CENPP: variants seen among roughly 807,000 people sequenced by gnomAD.
CENPP encodes the protein centromere protein P.
Under a neutral mutation model 35.6 loss-of-function variants are expected in CENPP, and 24 were observed. The ratio of observed to expected loss-of-function variants is 0.67; its 90% CI spans 0.49 to 0.95. The LOEUF (loss-of-function observed/expected upper bound fraction) is 0.95, where lower values mean the gene tolerates loss of function less well. CENPP is among the 40% of genes least tolerant of loss of function. CENPP has a pLI of 0.00. For missense variants in CENPP, 332 were observed against 345.3 expected (o/e 0.96, Z 0.31); for synonymous variants, 120 against 125.5 (o/e 0.96, Z 0.29).
At chr9:92,379,923 T>G in intron 5 of CENPP, 64 bp downstream of exon 5, 2 of 1,002,698 alleles carry the variant, frequency 2.0e-6, no homozygotes, top group South Asian at 1.3e-5. Flanking sequence ...AATTGAGAAT[T>G]CATCCCTAAC....
At chr9:92,604,797 T>C (rs1018604199) in intron 5 of CENPP, among the ~76,000 whole-genome samples, 15 of 152,210 alleles carry the variant, frequency 9.9e-5, no homozygotes, top group Middle Eastern at 3.4e-3. Flanking sequence ...TTTTACTATG[T>C]TGGCCAGGCT....
chr9:92,388,723 T>C (rs1400777377), intron 5 of CENPP, among the ~76,000 whole-genome samples: 1 of 150,998 alleles, frequency 6.6e-6, no homozygotes, highest in African/African-American at 2.4e-5. Flanking sequence ...TCCCAGCCAC[T>C]TGGGAGGCTG....
chr9:92,459,906 T>C lies in CENPP; in HGVS notation c.564+80047T>C, dbSNP rs926298654. On this transcript the variant is annotated intron_variant, in intron 5 of 7. Transcript: ENST00000375587. ...TGTTCAAAGATATTTCATTACTTTA[T>C]TTAATAACCTACTTCAGTATGTAAC... 27 of 684,604 alleles carry C rather than the reference T, an allele frequency of 3.9e-5. No homozygotes were observed. In the African/African-American group the frequency reaches 4.4e-4, roughly 11 times the overall value. 42.4% of individuals were successfully genotyped at this position (684,604 alleles called of 1,614,324 possible). A position where few individuals can be genotyped will look rare whatever the true frequency, so the allele number is the denominator to read the frequency against.
chr9:92,551,940 TA>T (rs567442753), intron 5 of CENPP, among the ~76,000 whole-genome samples: 23,786 of 113,330 alleles, frequency 0.21, 5,319 homozygotes, highest in African/African-American at 0.5. Context: ...TATATATATA[TA>T]TATATATATA....
At chr9:92,360,871 A>G (rs908606416) in intron 4 of CENPP, among the ~76,000 whole-genome samples, 36 of 151,012 alleles carry the variant, frequency 2.4e-4, no homozygotes, top group Non-Finnish European at 5.0e-4. Context: ...CACCCGGCTA[A>G]TTATTTTTGT....
intron 5 of CENPP, among the ~76,000 whole-genome samples, chr9:92,558,227 AT>A (rs1849769420): frequency 6.6e-6 from 1 of 152,094 alleles, no homozygotes; most frequent in South Asian, 2.1e-4. Context: ...GTTTTGTCAT[AT>A]TACCAGGGTT....
Position 92,616,336 on chromosome 9 carries a change from C to G in CENPP, c.*3187C>G. 2.8e-6 allele frequency: 1 copy of G among 362,768 alleles called. No individual in the cohort carries two copies. Among genetic ancestry groups the G allele is most frequent in the Non-Finnish European group, 5.1e-6 (1 of 196,554 alleles). The allele number at this position is 362,768 out of a possible 1,614,324, so 22.5% of individuals were successfully genotyped here. On this transcript the variant is annotated 3_prime_UTR_variant, in exon 8 of 8. Coordinates refer to ENST00000375587, the MANE Select transcript of CENPP (RefSeq NM_001012267.3). ...GCAAAGCTTCCTCAGGCCAGTGCAC[C>G]CCACCATACCAGGCGAGAGAGGGTT...
intron 5 of CENPP, among the ~76,000 whole-genome samples, chr9:92,388,316 C>A (rs1842519110): frequency 6.6e-6 from 1 of 151,792 alleles, no homozygotes; most frequent in Admixed American, 6.6e-5. Flanking sequence ...CGCCCACCAC[C>A]ACGCCTAGCT....
At chr9:92,396,830 A>G (rs1227371687) in intron 5 of CENPP, among the ~76,000 whole-genome samples, 3 of 152,102 alleles carry the variant, frequency 2.0e-5, no homozygotes, top group Non-Finnish European at 4.4e-5. Context: ...CGGCCTTCCC[A>G]TAAACATCTT....
intron 5 of CENPP, chr9:92,494,190 T>A (rs762861984): frequency 6.3e-7 from 1 of 1,583,488 alleles, no homozygotes; most frequent in Non-Finnish European, 8.6e-7. Flanking sequence ...ATGAATCGTT[T>A]AGTATCTGTC....
chr9:92,581,431 C>G (rs909961167), intron 5 of CENPP, among the ~76,000 whole-genome samples: 1 of 151,980 alleles, frequency 6.6e-6, no homozygotes, highest in Non-Finnish European at 1.5e-5. Flanking sequence ...TTTAATGGAA[C>G]TGCAGTGACC....
intron 5 of CENPP, among the ~76,000 whole-genome samples, chr9:92,531,154 ACTTT>A (rs1462991054): frequency 1.3e-5 from 2 of 152,082 alleles, no homozygotes; most frequent in Non-Finnish European, 2.9e-5. Context: ...ATTGAAATAT[ACTTT>A]CTATTTGCTT....
At position 92,443,194 on chromosome 9, in the gene CENPP, A is replaced by G. The variant is rs547944575; in HGVS notation, c.564+63335A>G. On this transcript the variant is annotated intron_variant, in intron 5 of 7. Transcript: ENST00000375587. Reference sequence around the variant, plus strand: ...ATATACAAGCAAACTATTAGAATTAATAAGTCTAATTCTAATCAGTCTAAT... The same window carrying G: ...ATATACAAGCAAACTATTAGAATTAGTAAGTCTAATTCTAATCAGTCTAAT... Among the ~76,000 whole-genome samples the G allele has an allele frequency of 1.3e-5, 2 of 152,372 alleles. 1 individual carries two copies. Among genetic ancestry groups the G allele is most frequent in the South Asian group, 4.1e-4 (2 of 4,832 alleles).
At chr9:92,591,398 G>A (rs768911779) in intron 5 of CENPP, among the ~76,000 whole-genome samples, 6 of 151,756 alleles carry the variant, frequency 4.0e-5, no homozygotes, top group Admixed American at 1.3e-4. Context: ...CAGCCTGGGC[G>A]ACTGAGCAAG....
chr9:92,410,943 G>C (rs887905953), intron 5 of CENPP, among the ~76,000 whole-genome samples: 2 of 152,100 alleles, frequency 1.3e-5, no homozygotes, highest in African/African-American at 2.4e-5. Flanking sequence ...TGTCATGTCA[G>C]GCTTTATACC....
At chr9:92,434,214 C>A (rs1320684546) in intron 5 of CENPP, among the ~76,000 whole-genome samples, 1 of 151,858 alleles carries the variant, frequency 6.6e-6, no homozygotes, top group Non-Finnish European at 1.5e-5. Context: ...TATGGTGAAA[C>A]CCCGTCTCTA....
intron 5 of CENPP, among the ~76,000 whole-genome samples, chr9:92,598,355 C>G (rs953774388): frequency 6.6e-6 from 1 of 152,236 alleles, no homozygotes; most frequent in Non-Finnish European, 1.5e-5. Flanking sequence ...CCTTGCTCCT[C>G]TGAGCTTTCT....
At chr9:92,495,651 A>G in intron 5 of CENPP, 3 of 910,502 alleles carry the variant, frequency 3.3e-6, no homozygotes, top group Non-Finnish European at 3.9e-6. Context: ...CAAAAAGAGT[A>G]TAGAATTTAT....
intron 5 of CENPP, among the ~76,000 whole-genome samples, chr9:92,574,330 C>G (rs933148290): frequency 6.6e-6 from 1 of 152,012 alleles, no homozygotes. Flanking sequence ...CCCCCAAAAA[C>G]CTGTGAAAAC....
Sources: gnomAD v4.1 joint callset for allele counts (sites outside exome capture counted in the v4.1 genomes callset) on GRCh38, gnomAD v4.1.1 for gene constraint, MANE v1.5 for transcripts, NCBI Gene and HGNC (gene_info 2026-07-23, HGNC 2026-07-21) for gene names.